The following CABIN1 variants were observed in gnomAD, a reference collection of about 807,000 sequenced individuals.
CABIN1 encodes the protein calcineurin binding protein 1, also known as calcineurin-binding protein cabin-1.
In CABIN1, 133 loss-of-function variants were observed where a neutral mutation model predicts 227.7. The observed-to-expected ratio is 0.58, with a 90% CI of 0.51 to 0.67. The LOEUF is 0.67. Ranked by LOEUF, CABIN1 falls within the 30% of genes least tolerant of loss-of-function variation. The pLI, the probability that CABIN1 is intolerant of heterozygous loss-of-function variation, is 0.00. For missense variants in CABIN1, 2,408 were observed against 2,852.5 expected, an observed-to-expected ratio of 0.84 and a Z score of 3.55; for synonymous variants, 1,086 against 1,155.1, an observed-to-expected ratio of 0.94 and a Z score of 1.21.
At chr22:24,061,890 C>A (rs1442129580) in intron 12 of CABIN1, 57 bp from the exon 13 acceptor site, 3 of 1,273,702 alleles carry the variant, frequency 2.4e-6, no homozygotes, top group Admixed American at 3.4e-5. Context: ...CCCTACCCCC[C>A]ACACTGTGAA....
chr22:24,170,208 A>G, intron 33 of CABIN1: 1 of 453,848 alleles, frequency 2.2e-6, no homozygotes, highest in Non-Finnish European at 4.4e-6. Flanking sequence ...CCCTGGGCCC[A>G]GAGAAGATGC....
chr22:24,076,219 G>A lies in CABIN1; in HGVS notation c.2683G>A (p.Ala895Thr). The A allele has an allele frequency of 6.2e-7, 1 of 1,614,188 alleles. No individual in the cohort carries two copies. Among genetic ancestry groups the A allele is most frequent in the Non-Finnish European group, 8.5e-7 (1 of 1,180,032 alleles). The change falls in exon 19 of 37, where the codon GCC (alanine) becomes ACC (threonine). Residue 895 changes from alanine (A) to threonine (T), a missense_variant. This residue lies in a region of CABIN1 where 1,045 missense variants were observed against 1,168.4 expected (regional missense o/e 0.89). Coordinates refer to ENST00000263119, the MANE Select transcript of CABIN1 (RefSeq NM_012295.4). ...ATCCTCCCTCATGCTGCTGAACACA[G>A]CCCACGAGTATTTGGGCAGAAGGTC... ...LPSSLMLLNT[A>T]HEYLGRRSWC...
intron 1 of CABIN1, among the ~76,000 whole-genome samples, 165 bp from the exon 2 acceptor site, chr22:24,035,279 C>T (rs2036783376): frequency 6.6e-6 from 1 of 152,138 alleles, no homozygotes; most frequent in Non-Finnish European, 1.5e-5. Flanking sequence ...TCGTAAGGGA[C>T]CAAGGAGCTC....
intron 1 of CABIN1, among the ~76,000 whole-genome samples, chr22:24,028,235 T>C (rs1439991724): frequency 6.6e-6 from 1 of 152,190 alleles, no homozygotes; most frequent in African/African-American, 2.4e-5. Flanking sequence ...TTACCAACTT[T>C]CTTGACAAAG....
intron 26 of CABIN1, among the ~76,000 whole-genome samples, chr22:24,111,318 G>C (rs1352097804): frequency 6.6e-6 from 1 of 152,190 alleles, no homozygotes; most frequent in Non-Finnish European, 1.5e-5. Flanking sequence ...ACTGGTACCA[G>C]TCCGTGGCCT....
At chr22:24,078,901 G>A (rs1476065915) in intron 19 of CABIN1, among the ~76,000 whole-genome samples, 1 of 152,022 alleles carries the variant, frequency 6.6e-6, no homozygotes. Context: ...TTATGTATCT[G>A]TATGTCAGTA....
At chr22:24,061,539 G>A (rs1422217245) in intron 12 of CABIN1, among the ~76,000 whole-genome samples, 13 of 152,252 alleles carry the variant, frequency 8.5e-5, no homozygotes. Flanking sequence ...TCACCTTCCA[G>A]CTGTGCCCAA....
intron 29 of CABIN1, among the ~76,000 whole-genome samples, chr22:24,157,565 A>C (rs1377360858): frequency 6.6e-6 from 1 of 152,162 alleles, no homozygotes; most frequent in African/African-American, 2.4e-5. Flanking sequence ...AAGTGAAATC[A>C]TGTGTTAAAG....
chr22:24,051,098 G>A, intron 8 of CABIN1, 124 bp downstream of exon 8: 1 of 1,275,536 alleles, frequency 7.8e-7, no homozygotes, highest in Non-Finnish European at 1.1e-6. Context: ...AATGGGGGCT[G>A]GGTGCACAGT....
intron 16 of CABIN1, among the ~76,000 whole-genome samples, chr22:24,069,901 G>C (rs917090287): frequency 5.9e-5 from 9 of 152,148 alleles, no homozygotes; most frequent in Non-Finnish European, 1.3e-4. Flanking sequence ...CCAGGCCTGG[G>C]CTGTGGCGAG....
intron 19 of CABIN1, among the ~76,000 whole-genome samples, chr22:24,077,750 G>T (rs996058286): frequency 6.6e-6 from 1 of 152,132 alleles, no homozygotes; most frequent in Non-Finnish European, 1.5e-5. Context: ...CCTCCACAAG[G>T]CCATCCTCCT....
intron 24 of CABIN1, 145 bp downstream of exon 24, chr22:24,091,988 G>T: frequency 2.2e-6 from 2 of 894,916 alleles, no homozygotes; most frequent in East Asian, 2.6e-5. Context: ...ATGTGCAATT[G>T]AATTAAAACA....
At chr22:24,072,580 G>C in intron 18 of CABIN1, 70 bp downstream of exon 18, 1 of 1,586,604 alleles carries the variant, frequency 6.3e-7, no homozygotes, top group Non-Finnish European at 8.6e-7. Context: ...CTCTGCCCTA[G>C]GGTCCTGGAC....
At chr22:24,044,487 C>G (rs989599645) in intron 6 of CABIN1, among the ~76,000 whole-genome samples, 3 of 152,156 alleles carry the variant, frequency 2.0e-5, no homozygotes, top group African/African-American at 4.8e-5. Context: ...TCAGAACAAA[C>G]TTTCTCAATT....
At chr22:24,137,629 C>T (rs1229738512) in intron 29 of CABIN1, among the ~76,000 whole-genome samples, 1 of 152,228 alleles carries the variant, frequency 6.6e-6, no homozygotes, top group African/African-American at 2.4e-5. Context: ...TCGTTTGGGG[C>T]CTCTGTCCTC....
intron 20 of CABIN1, 36 bp downstream of exon 20, chr22:24,083,425 G>A (rs763964983): frequency 6.2e-6 from 10 of 1,611,526 alleles, no homozygotes; most frequent in African/African-American, 1.3e-5. Context: ...AAAGAGGGAA[G>A]CAGGAGCTGT....
intron 29 of CABIN1, among the ~76,000 whole-genome samples, chr22:24,163,749 C>T (rs1455451134): frequency 6.6e-6 from 1 of 152,206 alleles, no homozygotes; most frequent in Non-Finnish European, 1.5e-5. Flanking sequence ...GGCCCTGGAG[C>T]TAGTGATAGG....
intron 1 of CABIN1, among the ~76,000 whole-genome samples, chr22:24,015,270 C>CA (rs1199906542): frequency 0.017 from 882 of 50,610 alleles, 9 homozygotes; most frequent in South Asian, 0.038. Context: ...AATCCATCTC[C>CA]AAAAAAAAAA....
chr22:24,082,701 A>ACAT (rs1208564311), intron 19 of CABIN1, among the ~76,000 whole-genome samples: 1 of 152,194 alleles, frequency 6.6e-6, no homozygotes, highest in African/African-American at 2.4e-5. Context: ...TATGTTGTTC[A>ACAT]CATCCTCTCT....
Sources: allele counts gnomAD v4.1 joint callset (sites outside exome capture counted in the v4.1 genomes callset), GRCh38; gene constraint gnomAD v4.1.1; regional missense constraint gnomAD v4.1.1; transcripts MANE v1.5; gene names NCBI Gene and HGNC (gene_info 2026-07-23, HGNC 2026-07-21).